The following DNAH14 variants were observed in gnomAD, a reference collection of about 807,000 sequenced individuals.
DNAH14 encodes the protein dynein axonemal heavy chain 14.
A neutral mutation model predicts 520.9 loss-of-function variants in DNAH14; 478 were observed. That is an observed-to-expected ratio of 0.92 (90% CI 0.85 to 0.99). The LOEUF (loss-of-function observed/expected upper bound fraction) is 0.99. DNAH14 is among the 50% of genes least tolerant of loss of function. DNAH14 has a pLI of 0.00. For missense variants in DNAH14, 4,831 were observed against 5,234.5 expected (o/e 0.92, Z 2.38); for synonymous variants, 1,581 against 1,757.2 (o/e 0.90, Z 2.51).
At chr1:225,118,175 C>A in intron 25 of DNAH14, 176 bp downstream of exon 25, 1 of 642,026 alleles carries the variant, frequency 1.6e-6, no homozygotes, top group South Asian at 1.8e-5. Context: ...ATAATCTCAC[C>A]TTTGCTCTAA....
intron 43 of DNAH14, among the ~76,000 whole-genome samples, chr1:225,251,465 C>T (rs1019963655): frequency 1.4e-4 from 22 of 152,220 alleles, no homozygotes; most frequent in Middle Eastern, 3.4e-3. Context: ...TAAGCCACCA[C>T]GCCTGGTCTA....
chr1:224,942,674 G>A (rs1278660823), intron 1 of DNAH14, among the ~76,000 whole-genome samples: 2 of 152,126 alleles, frequency 1.3e-5, no homozygotes, highest in Non-Finnish European at 2.9e-5. Context: ...TTTGAGATAT[G>A]TCCCATCGAT....
At chr1:225,387,460 A>C (rs1025479284) in intron 81 of DNAH14, among the ~76,000 whole-genome samples, 1 of 152,150 alleles carries the variant, frequency 6.6e-6, no homozygotes, top group Non-Finnish European at 1.5e-5. Flanking sequence ...GCTTGGTGTC[A>C]TCAGCCTAGA....
intron 43 of DNAH14, among the ~76,000 whole-genome samples, chr1:225,244,459 T>C (rs904437497): frequency 1.3e-5 from 2 of 152,198 alleles, no homozygotes; most frequent in Non-Finnish European, 2.9e-5. Context: ...CTGGTAGAAT[T>C]TGGATGTGAA....
chr1:224,974,351 T>C (rs561335000), intron 8 of DNAH14, among the ~76,000 whole-genome samples, 198 bp downstream of exon 8: 3 of 152,218 alleles, frequency 2.0e-5, no homozygotes, highest in Non-Finnish European at 2.9e-5. Flanking sequence ...TCTATGGTCA[T>C]AGAACTATGG....
intron 1 of DNAH14, among the ~76,000 whole-genome samples, chr1:224,944,181 G>A (rs900761964): frequency 1.3e-5 from 2 of 152,164 alleles, no homozygotes; most frequent in African/African-American, 4.8e-5. Context: ...GGGTGCTCCT[G>A]TATTGGCTGC....
chr1:224,938,663 T>G (rs1486101847), intron 1 of DNAH14, among the ~76,000 whole-genome samples: 3 of 152,184 alleles, frequency 2.0e-5, no homozygotes, highest in African/African-American at 7.2e-5. Context: ...ATAGACCTGC[T>G]ATGTGATCCA....
intron 10 of DNAH14, among the ~76,000 whole-genome samples, chr1:225,009,799 T>C (rs888413327): frequency 3.3e-5 from 5 of 152,190 alleles, no homozygotes; most frequent in African/African-American, 4.8e-5. Flanking sequence ...TGTTTGTAGT[T>C]CTCCTTGAAG....
At chr1:225,344,564 C>A (rs1382473274) in intron 69 of DNAH14, among the ~76,000 whole-genome samples, 2 of 152,082 alleles carry the variant, frequency 1.3e-5, no homozygotes, top group African/African-American at 4.8e-5. Flanking sequence ...TGATCTTGTT[C>A]TTTTTTATGA....
intron 12 of DNAH14, among the ~76,000 whole-genome samples, chr1:225,039,372 T>A (rs1317120977): frequency 6.6e-6 from 1 of 151,760 alleles, no homozygotes; most frequent in East Asian, 2.0e-4. Context: ...TAGGAAACCT[T>A]GAAGGAATCC....
chr1:225,100,986 C>T (rs1044801103), intron 23 of DNAH14, 102 bp downstream of exon 23: 3 of 998,992 alleles, frequency 3.0e-6, no homozygotes, highest in Non-Finnish European at 4.2e-6. Flanking sequence ...TGCAGATTTT[C>T]TTTATTCTAG....
chr1:225,177,233 G>C (rs2083434739), intron 36 of DNAH14, among the ~76,000 whole-genome samples: 1 of 152,198 alleles, frequency 6.6e-6, no homozygotes, highest in Non-Finnish European at 1.5e-5. Context: ...CTTTGAACTT[G>C]AGAGAAATGA....
intron 54 of DNAH14, 101 bp downstream of exon 54, chr1:225,277,603 T>A (rs565634077): frequency 2.4e-6 from 1 of 415,406 alleles, no homozygotes; most frequent in East Asian, 7.2e-5. Flanking sequence ...CCACACTTTG[T>A]GAAAAATCAC....
intron 57 of DNAH14, among the ~76,000 whole-genome samples, 186 bp downstream of exon 57, chr1:225,303,533 C>T (rs751374266): frequency 7.9e-5 from 12 of 152,136 alleles, no homozygotes; most frequent in Non-Finnish European, 1.2e-4. Flanking sequence ...TGAATTCACC[C>T]TATTTCAAAG....
At chr1:224,960,727 A>G (rs964855577) in intron 4 of DNAH14, among the ~76,000 whole-genome samples, 5 of 152,092 alleles carry the variant, frequency 3.3e-5, no homozygotes, top group African/African-American at 9.7e-5. Flanking sequence ...TGTTTTCTCT[A>G]TAACTGAAAT....
At position 225,274,197 on chromosome 1, in the gene DNAH14, ATTTTTTTT is replaced by A. The variant is rs869247051; in HGVS notation, c.8010+1090_8010+1097del. On this transcript the variant is annotated intron_variant, in intron 52 of 85. Transcript: ENST00000682510. The stretch of plus-strand genomic sequence containing the variant: ...CTCTGCATCCTCACCAGCATCTGTT[ATTTTTTTT>A]TTTTTTTTTTTTTTTTTGAGACGGA... 7.9e-4 allele frequency among the ~76,000 whole-genome samples: 73 copies of A among 92,886 alleles called. 1 individual carries two copies. Among genetic ancestry groups the A allele is most frequent in the African/African-American group, 2.8e-3 (70 of 24,888 alleles). The allele number at this position is 92,886 out of a possible 152,430, so 60.9% of individuals were successfully genotyped here.
At chr1:224,964,359 T>C (rs896150851) in intron 4 of DNAH14, 120 bp from the exon 5 acceptor site, 1 of 1,141,076 alleles carries the variant, frequency 8.8e-7, no homozygotes, top group African/African-American at 1.6e-5. Flanking sequence ...ATAATCGTTA[T>C]GTATACTTTG....
intron 42 of DNAH14, among the ~76,000 whole-genome samples, chr1:225,240,209 A>G (rs1360319829): frequency 6.6e-6 from 1 of 151,510 alleles, no homozygotes; most frequent in Non-Finnish European, 1.5e-5. Flanking sequence ...TAAAATAAAA[A>G]TGAAACATTT....
At chr1:225,363,432 G>T (rs539310130) in intron 75 of DNAH14, among the ~76,000 whole-genome samples, 1 of 152,030 alleles carries the variant, frequency 6.6e-6, no homozygotes, top group East Asian at 1.9e-4. Flanking sequence ...GTGAGGTCTC[G>T]CTATGTTGCC....
Sources: gnomAD v4.1 joint callset for allele counts (sites outside exome capture counted in the v4.1 genomes callset) on GRCh38, gnomAD v4.1.1 for gene constraint, MANE v1.5 for transcripts, NCBI Gene and HGNC (gene_info 2026-07-23, HGNC 2026-07-21) for gene names.